The following CADPS2 variants were observed in gnomAD, a reference collection of about 807,000 sequenced individuals.
CADPS2 encodes calcium dependent secretion activator 2.
Under a neutral mutation model 172.5 loss-of-function variants are expected in CADPS2, and 93 were observed. That is an observed-to-expected ratio of 0.54 (90% confidence interval 0.46 to 0.64). The LOEUF (loss-of-function observed/expected upper bound fraction) is 0.64. CADPS2 is among the 30% of genes least tolerant of loss of function. The pLI, the probability that CADPS2 is intolerant of heterozygous loss-of-function variation, is 0.00. For synonymous variants in CADPS2, 546 were observed against 555.2 expected (o/e 0.98, Z 0.23); for missense variants, 1,420 against 1,565.9 (o/e 0.91, Z 1.57).
chr7:122,810,758 T>C (rs1011801386), intron 1 of CADPS2, among the ~76,000 whole-genome samples: 1 of 152,094 alleles, frequency 6.6e-6, no homozygotes, highest in Non-Finnish European at 1.5e-5. Flanking sequence ...GCCTGGCTAA[T>C]TTTTAAAAAT....
At chr7:122,796,034 G>A (rs1187093869) in intron 1 of CADPS2, among the ~76,000 whole-genome samples, 1 of 151,878 alleles carries the variant, frequency 6.6e-6, no homozygotes, top group Non-Finnish European at 1.5e-5. Flanking sequence ...AAATCAATGA[G>A]AAAAAAATCA....
Position 122,775,373 on chromosome 7 carries a change from G to A in CADPS2, c.340-38305C>T, listed in dbSNP as rs138158664. Among the ~76,000 whole-genome samples, 29 of 152,292 alleles carry A rather than the reference G, an allele frequency of 1.9e-4. No homozygotes were observed. In the East Asian group the frequency reaches 5.2e-3, roughly 27 times the overall value. On this transcript the variant is annotated intron_variant, in intron 1 of 29. Transcript: ENST00000449022. ...GCAGCAATAGCTTCATGTTCCCATGGGCTGTCTTTGCTGCCAGATCCCAAA... is the reference window on the plus strand; with the variant it reads ...GCAGCAATAGCTTCATGTTCCCATGAGCTGTCTTTGCTGCCAGATCCCAAA...
chr7:122,327,503 C>T (rs1259910515), intron 28 of CADPS2, among the ~76,000 whole-genome samples: 1 of 152,044 alleles, frequency 6.6e-6, no homozygotes, highest in Non-Finnish European at 1.5e-5. Flanking sequence ...ATACTGGTTA[C>T]TCTGTTAGAC....
intron 7 of CADPS2, among the ~76,000 whole-genome samples, chr7:122,567,964 A>C (rs1473214381): frequency 1.3e-5 from 2 of 152,196 alleles, no homozygotes; most frequent in Non-Finnish European, 2.9e-5. Flanking sequence ...ATATAATTGA[A>C]ATAACCCAGT....
In CADPS2 at chr7:122,629,238, A is replaced by G; in HGVS notation, c.867+10T>C. On this transcript the variant is annotated intron_variant, in intron 4 of 29. Coordinates refer to ENST00000449022, the MANE Select transcript of CADPS2 (RefSeq NM_017954.11). The stretch of plus-strand genomic sequence containing the variant: ...GAATGTCATACAGTATGTCCAAGTT[A>G]ATAATTTACCTTTGCCATTTTATCT... The G allele has an allele frequency of 6.2e-7, 1 of 1,602,346 alleles. No homozygotes were observed. Among genetic ancestry groups the G allele is most frequent in the Non-Finnish European group, 8.5e-7 (1 of 1,172,818 alleles).
chr7:122,717,663 C>T (rs983981124), intron 2 of CADPS2, among the ~76,000 whole-genome samples: 1 of 152,122 alleles, frequency 6.6e-6, no homozygotes. Flanking sequence ...ATCTTTCCAT[C>T]CCTTTCATTG....
chr7:122,326,842 A>G (rs977914683), intron 28 of CADPS2, among the ~76,000 whole-genome samples: 2 of 152,094 alleles, frequency 1.3e-5, no homozygotes, highest in African/African-American at 4.8e-5. Flanking sequence ...ATTAAAAATG[A>G]ATTTTACATT....
At chr7:122,654,821 A>C (rs1391098977) in intron 3 of CADPS2, among the ~76,000 whole-genome samples, 1 of 152,218 alleles carries the variant, frequency 6.6e-6, no homozygotes, top group African/African-American at 2.4e-5. Context: ...ATAGTGATGG[A>C]TTAGAGCAAA....
intron 1 of CADPS2, among the ~76,000 whole-genome samples, chr7:122,781,873 C>T (rs181403714): frequency 3.8e-4 from 58 of 152,218 alleles, no homozygotes; most frequent in East Asian, 7.7e-4. Context: ...AAAATAACCA[C>T]GGTGAAATAT....
intron 9 of CADPS2, among the ~76,000 whole-genome samples, chr7:122,500,717 AG>A (rs1421250102): frequency 1.3e-5 from 2 of 152,214 alleles, no homozygotes; most frequent in Non-Finnish European, 2.9e-5. Context: ...AAATTAACAA[AG>A]AATCAAAAAC....
chr7:122,587,319 T>C (rs1383289793), intron 6 of CADPS2, among the ~76,000 whole-genome samples: 2 of 152,032 alleles, frequency 1.3e-5, no homozygotes, highest in African/African-American at 4.8e-5. Flanking sequence ...CCTACGTCCA[T>C]GTGATCTCAC....
chr7:122,573,248 A>C (rs1440278334), intron 7 of CADPS2, among the ~76,000 whole-genome samples: 1 of 152,142 alleles, frequency 6.6e-6, no homozygotes, highest in Non-Finnish European at 1.5e-5. Flanking sequence ...GAATCTTTTT[A>C]CAACCTTCTC....
chr7:122,499,103 T>C (rs1046161623), intron 9 of CADPS2, among the ~76,000 whole-genome samples: 2 of 152,214 alleles, frequency 1.3e-5, no homozygotes, highest in African/African-American at 4.8e-5. Flanking sequence ...ATTCTTTAAG[T>C]ACAAGCTAAC....
intron 7 of CADPS2, among the ~76,000 whole-genome samples, chr7:122,580,712 C>T (rs2068699159): frequency 6.6e-6 from 1 of 152,010 alleles, no homozygotes; most frequent in South Asian, 2.1e-4. Flanking sequence ...AGAAAAAGGG[C>T]TTTTCATGGG....
At chr7:122,782,468 C>CGGTGTAG (rs1792981980) in intron 1 of CADPS2, among the ~76,000 whole-genome samples, 1 of 152,062 alleles carries the variant, frequency 6.6e-6, no homozygotes, top group Non-Finnish European at 1.5e-5. Flanking sequence ...AAAATTAGCA[C>CGGTGTAG]GGTGTAGTGA....
At chr7:122,586,288 T>C (rs1004808883) in intron 6 of CADPS2, among the ~76,000 whole-genome samples, 1 of 151,970 alleles carries the variant, frequency 6.6e-6, no homozygotes, top group Non-Finnish European at 1.5e-5. Context: ...TTTTAGATAA[T>C]AAATAATTAT....
In CADPS2 at chr7:122,566,026, A is replaced by G. The variant is rs1352956153; in HGVS notation, c.1336-11337T>C. Among the ~76,000 whole-genome samples, 9 of 152,280 alleles carry G rather than the reference A, an allele frequency of 5.9e-5. No individual in the cohort carries two copies. The East Asian group carries it at 1.7e-3, about 29-fold the overall frequency. Reference sequence around the variant, plus strand: ...TTTTTAGATTCTACATGTAAGTGACATCATGTGGTATCTGTCTTTCTGTGC... The same window carrying G: ...TTTTTAGATTCTACATGTAAGTGACGTCATGTGGTATCTGTCTTTCTGTGC... On this transcript the variant is annotated intron_variant, in intron 7 of 29. Transcript: ENST00000449022.
intron 20 of CADPS2, among the ~76,000 whole-genome samples, chr7:122,399,772 C>T (rs1261795832): frequency 1.4e-5 from 2 of 140,938 alleles, no homozygotes; most frequent in Non-Finnish European, 3.0e-5. Flanking sequence ...CTGCAAGCTC[C>T]GCCTCCCGGG....
At chr7:122,638,650 A>G (rs2077304499) in intron 3 of CADPS2, among the ~76,000 whole-genome samples, 1 of 152,162 alleles carries the variant, frequency 6.6e-6, no homozygotes, top group South Asian at 2.1e-4. Context: ...GTATCAGTCT[A>G]GAGGCCCAAG....
Sources: allele counts gnomAD v4.1 joint callset (sites outside exome capture counted in the v4.1 genomes callset), GRCh38; gene constraint gnomAD v4.1.1; transcripts MANE v1.5; gene names NCBI Gene and HGNC (gene_info 2026-07-23, HGNC 2026-07-21).